The following CEP85 variants were observed in gnomAD, a reference collection of about 807,000 sequenced individuals.
The protein encoded by CEP85 is centrosomal protein of 85 kDa.
Under a neutral mutation model 93.7 loss-of-function variants are expected in CEP85, and 58 were observed. The ratio of observed to expected loss-of-function variants is 0.62; its 90% confidence interval spans 0.50 to 0.77. The LOEUF is 0.77. Among genes scored for constraint, CEP85 ranks in the 30% least tolerant of loss-of-function variants. CEP85 has a pLI of 0.00. For missense variants in CEP85, 868 were observed against 922.0 expected (o/e 0.94, Z 0.76); for synonymous variants, 314 against 338.6 (o/e 0.93, Z 0.80).
chr1:26,255,872 G>T lies in CEP85; in HGVS notation c.903+7G>T, dbSNP rs1439739441. The T allele has an allele frequency of 1.3e-6, 2 of 1,587,806 alleles. No individual in the cohort carries two copies. Among genetic ancestry groups the T allele is most frequent in the Non-Finnish European group, 1.7e-6 (2 of 1,164,552 alleles). ...ACAGATGGAGCAAATGCAGGTAGAGGTCTATCTTTCCTTGGATTTTCTAGG... is the reference window on the plus strand; with the variant it reads ...ACAGATGGAGCAAATGCAGGTAGAGTTCTATCTTTCCTTGGATTTTCTAGG... On this transcript the variant is annotated splice_region_variant and intron_variant, in intron 4 of 13. Transcript: ENST00000451429.
rs765761795 is a variant in CEP85, at chr1:26,276,752, G to T, written c.2120G>T (p.Gly707Val). The T allele has an allele frequency of 6.2e-7, 1 of 1,612,980 alleles. No individual in the cohort carries two copies. The highest frequency in any genetic ancestry group is 8.5e-7 in the Non-Finnish European group (1 of 1,179,286). ...GACCCCAATCTCTCCCTGCTCCTGG[G>T]CATTCACTGTGAGTCCTCAGACCAG... Reference protein sequence around the residue: ...GHDPNLSLLLGIHSQHPETQL... With the variant: ...GHDPNLSLLLVIHSQHPETQL... Residue 707 changes from glycine to valine, a missense_variant, in exon 13 of 14, where the codon GGC becomes GTC. By Grantham distance (109) the Gly-to-Val change is moderately radical. Transcript: ENST00000451429.
chr1:26,268,013 T>A (rs1455061353), intron 7 of CEP85, among the ~76,000 whole-genome samples: 9 of 152,260 alleles, frequency 5.9e-5, no homozygotes, highest in Non-Finnish European at 1.3e-4. Context: ...TGCCAGTTTT[T>A]AAAAACTGCC....
chr1:26,254,449 G>A (rs1253790127), intron 3 of CEP85: 1 of 152,050 alleles, frequency 6.6e-6, no homozygotes, highest in Non-Finnish European at 1.5e-5. Context: ...AACACAGTTG[G>A]GTACACACAA....
chr1:26,276,459 C>T (rs2090053328), intron 12 of CEP85, 76 bp from the exon 13 acceptor site: 1 of 1,192,694 alleles, frequency 8.4e-7, no homozygotes, highest in Non-Finnish European at 1.2e-6. Context: ...ATCCCTTCCA[C>T]ACCCACACAC....
At chr1:26,265,005 GAT>G (rs1344173994) in intron 7 of CEP85, among the ~76,000 whole-genome samples, 1 of 73,164 alleles carries the variant, frequency 1.4e-5, no homozygotes, top group Non-Finnish European at 2.5e-5. Context: ...TTTTTTTTTA[GAT>G]AGAGTCTCGC....
At chr1:26,271,982 C>G (rs1298597258) in intron 10 of CEP85, 39 bp from the exon 11 acceptor site, 1 of 1,608,620 alleles carries the variant, frequency 6.2e-7, no homozygotes, top group Non-Finnish European at 8.5e-7. Context: ...CACCGTCAGC[C>G]TTGTGCTCGC....
intron 7 of CEP85, among the ~76,000 whole-genome samples, chr1:26,266,412 C>G (rs2089896541): frequency 6.6e-6 from 1 of 152,122 alleles, no homozygotes; most frequent in Non-Finnish European, 1.5e-5. Context: ...CTTTCCTAGA[C>G]TTTTGTTTCC....
Position 26,259,736 on chromosome 1 carries a change from C to T in CEP85, c.1275C>T (p.Leu425=). 9 of 1,614,006 alleles carry T rather than the reference C, an allele frequency of 5.6e-6. No individual in the cohort carries two copies. The highest frequency in any genetic ancestry group is 1.3e-5 in the African/African-American group (1 of 75,048). Residue 425 remains leucine (L), a synonymous_variant, in exon 7 of 14, where the codon CTC becomes CTT. Coordinates refer to ENST00000451429, the MANE Select transcript of CEP85 (RefSeq NM_001319944.2). ...CTGCTTCTGAAGTTGAAGTCCAGCT[C>T]ATCAGAGAGTCGCTCAAAGTGGCGT... is the stretch of plus-strand genomic sequence containing the variant. The part of the protein sequence containing the change: ...KLSASEVEVQ[L]IRESLKVALQ...
rs756402334 is a variant in CEP85, at chr1:26,269,641, A to G, written c.1649+27A>G. ...TAAATAACCCTGTGGGACTGAGAGG[A>G]GTGGAGAGTTAAGTTTTTTGTCATA... On this transcript the variant is annotated intron_variant, in intron 9 of 13. Coordinates refer to ENST00000451429, the MANE Select transcript of CEP85 (RefSeq NM_001319944.2). The G allele has an allele frequency of 2.5e-6, 4 of 1,594,024 alleles. No homozygotes were observed. In the African/African-American group the frequency reaches 5.4e-5, roughly 21 times the overall value.
intron 3 of CEP85, among the ~76,000 whole-genome samples, chr1:26,251,844 A>G (rs970622711): frequency 6.6e-6 from 1 of 152,192 alleles, no homozygotes; most frequent in Non-Finnish European, 1.5e-5. Context: ...CTCATGTGCT[A>G]CAACCTCACA....
intron 7 of CEP85, among the ~76,000 whole-genome samples, chr1:26,262,407 G>A (rs530156843): frequency 4.7e-4 from 71 of 152,186 alleles, no homozygotes; most frequent in African/African-American, 1.6e-3. Flanking sequence ...GAACCCAGGA[G>A]GTAGATGTTG....
intron 4 of CEP85, among the ~76,000 whole-genome samples, chr1:26,256,671 T>G (rs1477609792): frequency 6.8e-6 from 1 of 146,128 alleles, no homozygotes; most frequent in Non-Finnish European, 1.5e-5. Flanking sequence ...TGTTCTCGGC[T>G]CACTGCAACC....
At chr1:26,268,411 T>C in intron 7 of CEP85, 72 bp from the exon 8 acceptor site, 1 of 1,576,154 alleles carries the variant, frequency 6.3e-7, no homozygotes, top group Non-Finnish European at 8.7e-7. Flanking sequence ...TCAGCTGAGA[T>C]CACAGCACTG....
At chr1:26,235,666 AG>A (rs1182052823) in intron 1 of CEP85, among the ~76,000 whole-genome samples, 25 of 137,778 alleles carry the variant, frequency 1.8e-4, no homozygotes, top group Non-Finnish European at 3.2e-4. Flanking sequence ...TCCGCCTCCC[AG>A]GTTCAAGCGA....
At chr1:26,242,910 A>G (rs534431051) in intron 2 of CEP85, among the ~76,000 whole-genome samples, 6 of 152,320 alleles carry the variant, frequency 3.9e-5, no homozygotes, top group African/African-American at 1.4e-4. Context: ...TCAAGTATTT[A>G]TTGAACACTT....
intron 7 of CEP85, among the ~76,000 whole-genome samples, chr1:26,266,836 A>T (rs551800401): frequency 2.0e-5 from 3 of 152,384 alleles, no homozygotes; most frequent in African/African-American, 7.2e-5. Flanking sequence ...GCTCTGTGCC[A>T]GGCCTTCTGC....
chr1:26,242,794 T>TTTTGTTTG (rs10655802), intron 2 of CEP85, among the ~76,000 whole-genome samples: 6 of 151,370 alleles, frequency 4.0e-5, no homozygotes, highest in Non-Finnish European at 7.4e-5. Context: ...CCATTAGTTT[T>TTTTGTTTG]TTTGTTTGTT....
At chr1:26,248,889 GC>G (rs1221910802) in intron 3 of CEP85, among the ~76,000 whole-genome samples, 1 of 151,672 alleles carries the variant, frequency 6.6e-6, no homozygotes, top group African/African-American at 2.4e-5. Flanking sequence ...ACTACGCCCG[GC>G]TAATTTTTTG....
At chr1:26,243,533 T>C (rs1001743023) in intron 2 of CEP85, among the ~76,000 whole-genome samples, 2 of 152,156 alleles carry the variant, frequency 1.3e-5, no homozygotes, top group Non-Finnish European at 2.9e-5. Flanking sequence ...GTAATACTTT[T>C]CAGTAAGTAG....
Sources: gnomAD v4.1 joint callset for allele counts (sites outside exome capture counted in the v4.1 genomes callset) on GRCh38, gnomAD v4.1.1 for gene constraint, MANE v1.5 for transcripts, NCBI Gene and HGNC (gene_info 2026-07-23, HGNC 2026-07-21) for gene names.